MDN1: variants seen among roughly 807,000 people sequenced by gnomAD.
MDN1 encodes midasin.
MDN1 carries 266 observed loss-of-function variants against 669.2 expected under a neutral mutation model. That is an observed-to-expected ratio of 0.40 (90% CI 0.36 to 0.44). MDN1 has a LOEUF of 0.44. MDN1 is among the 20% of genes least tolerant of loss of function. The probability of loss-of-function intolerance (pLI) is 1.00; values close to 1 mark genes in which losing one functional copy is unlikely to be tolerated. For synonymous variants in MDN1, 2,385 were observed against 2,457.1 expected (o/e 0.97, Z 0.87); for missense variants, 5,940 against 6,754.0 (o/e 0.88, Z 4.22).
intron 1 of MDN1, among the ~76,000 whole-genome samples, chr6:89,817,696 T>G (rs1768933500): frequency 6.6e-6 from 1 of 152,138 alleles, no homozygotes; most frequent in African/African-American, 2.4e-5. Flanking sequence ...GTGACTCCAG[T>G]CAACAATAGT....
intron 15 of MDN1, 57 bp downstream of exon 15, chr6:89,771,504 T>C: frequency 6.9e-7 from 1 of 1,447,016 alleles, no homozygotes; most frequent in East Asian, 2.3e-5. Flanking sequence ...GAAAACAGTA[T>C]TTCTTACCTC....
intron 33 of MDN1, among the ~76,000 whole-genome samples, chr6:89,735,370 CTT>C (rs775653908): frequency 2.8e-4 from 34 of 122,412 alleles, no homozygotes; most frequent in Non-Finnish European, 3.9e-4. Context: ...ATCACAGAAC[CTT>C]TTTTTTTTTT....
At chr6:89,749,962 A>C (rs1033474671) in intron 24 of MDN1, among the ~76,000 whole-genome samples, 2 of 152,244 alleles carry the variant, frequency 1.3e-5, no homozygotes, top group Non-Finnish European at 2.9e-5. Flanking sequence ...CACAGAAAAG[A>C]AGCCAAGGCT....
At position 89,790,052 on chromosome 6, in the gene MDN1, A is replaced by G; in HGVS notation, c.1098+107T>C. On this transcript the variant is annotated intron_variant, in intron 6 of 101. Coordinates refer to ENST00000369393, the MANE Select transcript of MDN1 (RefSeq NM_014611.3). ...TTTACATAGGTTGGCCCCAACAGTT[A>G]TAAGCAAGACCAATAACTATTGTTA... 5 of 1,591,708 alleles carry G rather than the reference A, an allele frequency of 3.1e-6. No individual in the cohort carries two copies. In the South Asian group the frequency reaches 5.6e-5, roughly 18 times the overall value.
At chr6:89,654,908 GAA>G (rs1809147792) in intron 92 of MDN1, among the ~76,000 whole-genome samples, 6 of 152,188 alleles carry the variant, frequency 3.9e-5, no homozygotes, top group Admixed American at 3.9e-4. Flanking sequence ...ACAAGGCACA[GAA>G]AGACGAATAG....
chr6:89,655,335 C>G (rs1323847548), intron 92 of MDN1, among the ~76,000 whole-genome samples: 2 of 152,148 alleles, frequency 1.3e-5, no homozygotes, highest in Non-Finnish European at 2.9e-5. Context: ...TTCATAGCAC[C>G]TGTCAGTGCA....
At chr6:89,774,545 C>T in intron 13 of MDN1, 76 bp downstream of exon 13, 2 of 1,071,896 alleles carry the variant, frequency 1.9e-6, no homozygotes, top group South Asian at 2.6e-5. Context: ...TGCACAAAGA[C>T]AAGAGGCTGA....
At position 89,654,308 on chromosome 6, in the gene MDN1, A is replaced by G. The variant is rs1011385574; in HGVS notation, c.15517T>C (p.Ser5173Pro). The change falls in exon 93 of 102, where the codon TCT (serine) becomes CCT (proline). Residue 5173 changes from serine (S) to proline (P), a missense_variant. Transcript: ENST00000369393. Reference protein sequence around the residue: ...YDVASKEQQQSAKDSGKDQEE... With the variant: ...YDVASKEQQQPAKDSGKDQEE... The stretch of plus-strand genomic sequence containing the variant: ...TGATCTTTGCCAGAGTCTTTTGCAG[A>G]CTGTTGCTGTTCTTTGCTGGCCACA... 5.0e-6 allele frequency: 8 copies of G among 1,614,038 alleles called. No individual in the cohort carries two copies. The highest frequency in any genetic ancestry group is 6.8e-6 in the Non-Finnish European group (8 of 1,180,026).
intron 13 of MDN1, 116 bp downstream of exon 13, chr6:89,774,505 C>G (rs1347387390): frequency 1.4e-6 from 1 of 726,108 alleles, no homozygotes; most frequent in South Asian, 1.6e-5. Flanking sequence ...ATATAGCATA[C>G]TACAGATATC....
chr6:89,773,858 G>T (rs1045539994), intron 13 of MDN1, among the ~76,000 whole-genome samples: 1 of 151,988 alleles, frequency 6.6e-6, no homozygotes, highest in African/African-American at 2.4e-5. Flanking sequence ...CCAGCTATTC[G>T]GGAGGCTGAG....
At chr6:89,790,800 C>G (rs912154806) in intron 5 of MDN1, among the ~76,000 whole-genome samples, 4 of 152,210 alleles carry the variant, frequency 2.6e-5, no homozygotes, top group Non-Finnish European at 4.4e-5. Flanking sequence ...GCAGGTGGAT[C>G]ACCTGAAGTC....
chr6:89,688,986 A>G (rs1036559631), intron 65 of MDN1, among the ~76,000 whole-genome samples, 178 bp from the exon 66 acceptor site: 1 of 152,304 alleles, frequency 6.6e-6, no homozygotes, highest in African/African-American at 2.4e-5. Context: ...CCTGGCCAAC[A>G]TGGTGAAACC....
intron 11 of MDN1, among the ~76,000 whole-genome samples, chr6:89,777,637 T>C (rs1584355634): frequency 6.6e-6 from 1 of 152,156 alleles, no homozygotes; most frequent in East Asian, 1.9e-4. Context: ...GTCACAAGAC[T>C]TGTGACTTCC....
rs866706033 is a variant in MDN1, at chr6:89,720,284, T to C, written c.5968-1059A>G. ...CTGATGTTCTACCAGAGGGTTAAAATTACAAATATTGCTACTCGGGAGGCT... is the reference window on the plus strand; with the variant it reads ...CTGATGTTCTACCAGAGGGTTAAAACTACAAATATTGCTACTCGGGAGGCT... On this transcript the variant is annotated intron_variant, in intron 40 of 101. Coordinates refer to ENST00000369393, the MANE Select transcript of MDN1 (RefSeq NM_014611.3). Among the ~76,000 whole-genome samples the C allele has an allele frequency of 1.1e-4, 16 of 151,784 alleles. No individual in the cohort carries two copies. In the Middle Eastern group the frequency reaches 0.01, roughly 97 times the overall value.
At chr6:89,658,067 TG>T in intron 90 of MDN1, 141 bp downstream of exon 90, 1 of 925,262 alleles carries the variant, frequency 1.1e-6, no homozygotes, top group Non-Finnish European at 1.6e-6. Context: ...GAATGAGATG[TG>T]GTCTGTTAGA....
chr6:89,776,846 C>G, intron 11 of MDN1, 151 bp from the exon 12 acceptor site: 1 of 476,922 alleles, frequency 2.1e-6, no homozygotes, highest in South Asian at 5.0e-5. Context: ...GGTACCAACC[C>G]AGGACTGAGG....
chr6:89,808,861 C>G (rs536107880), intron 1 of MDN1, among the ~76,000 whole-genome samples: 13 of 152,262 alleles, frequency 8.5e-5, no homozygotes, highest in African/African-American at 2.6e-4. Flanking sequence ...ATTTTTTCCT[C>G]TTTTTCTAGT....
chr6:89,684,752 G>A (rs1046550787), intron 71 of MDN1, 124 bp downstream of exon 71: 4 of 591,064 alleles, frequency 6.8e-6, no homozygotes, highest in Non-Finnish European at 1.2e-5. Context: ...CTCCCTAGCG[G>A]TGGCAATGCT....
rs767352134 is a variant in MDN1, at chr6:89,688,764, A to C, written c.11068T>G (p.Cys3690Gly). The change falls in exon 66 of 102, where the codon TGT (cysteine) becomes GGT (glycine). Residue 3690 changes from cysteine (C) to glycine (G), a missense_variant. Physicochemically the swap from Cys to Gly is radical, Grantham distance 159. Transcript: ENST00000369393. ...DRLLGSQLLA[C>G]TLSHNTLFGE... ...AAAAGAGTGTTATGGGAGAGGGTAC[A>C]GGCCAAAAGTTGGCTGCCCAAGAGT... is the stretch of plus-strand genomic sequence containing the variant. 8 of 1,614,076 alleles carry C rather than the reference A, an allele frequency of 5.0e-6. No homozygotes were observed. In the African/African-American group the frequency reaches 1.1e-4, roughly 22 times the overall value.
Sources: allele counts gnomAD v4.1 joint callset (sites outside exome capture counted in the v4.1 genomes callset), GRCh38; gene constraint gnomAD v4.1.1; transcripts MANE v1.5; gene names NCBI Gene and HGNC (gene_info 2026-07-23, HGNC 2026-07-21).